The following PCDHGA3 variants were observed in gnomAD, a reference collection of about 807,000 sequenced individuals.
PCDHGA3 encodes the protein protocadherin gamma subfamily A, 3.
Under a neutral mutation model 58.5 loss-of-function variants are expected in PCDHGA3, and 40 were observed. The observed-to-expected ratio is 0.68, with a 90% CI of 0.53 to 0.89. The LOEUF (loss-of-function observed/expected upper bound fraction) is 0.89, where lower values mean the gene tolerates loss of function less well. Ranked by LOEUF, PCDHGA3 falls within the 40% of genes least tolerant of loss-of-function variation. The pLI is 0.00. For synonymous variants in PCDHGA3, 530 were observed against 525.7 expected (o/e 1.01, Z -0.11); for missense variants, 1,223 against 1,195.9 (o/e 1.02, Z -0.33).
chr5:141,411,785 G>A (rs2095515346), intron 1 of PCDHGA3: 1 of 152,310 alleles, frequency 6.6e-6, no homozygotes, highest in South Asian at 2.1e-4. Context: ...TGGTGGCTGT[G>A]GTGGGAGAAT....
intron 1 of PCDHGA3, among the ~76,000 whole-genome samples, chr5:141,473,736 G>A (rs1278322296): frequency 1.3e-5 from 2 of 152,202 alleles, no homozygotes; most frequent in Non-Finnish European, 2.9e-5. Flanking sequence ...AGAGGGAGAA[G>A]ACATGAGAAC....
intron 1 of PCDHGA3, chr5:141,372,351 C>A: frequency 6.2e-7 from 1 of 1,613,872 alleles, no homozygotes; most frequent in Non-Finnish European, 8.5e-7. Context: ...AGGACAGCAG[C>A]CTCTTTCAGC....
intron 1 of PCDHGA3, chr5:141,352,026 C>T (rs1186654120): frequency 9.9e-6 from 16 of 1,609,158 alleles, no homozygotes; most frequent in Non-Finnish European, 1.4e-5. Flanking sequence ...AAGGTGGTGG[C>T]GGTGGACGCA....
At chr5:141,437,761 C>G (rs1200327020) in intron 1 of PCDHGA3, among the ~76,000 whole-genome samples, 3 of 144,682 alleles carry the variant, frequency 2.1e-5, no homozygotes, top group Admixed American at 7.0e-5. Flanking sequence ...TTTTTTGAGA[C>G]AGAGTCTCAA....
intron 1 of PCDHGA3, chr5:141,366,136 C>T: frequency 6.2e-7 from 1 of 1,614,204 alleles, no homozygotes; most frequent in South Asian, 1.1e-5. Flanking sequence ...GCCAGAACGC[C>T]TGGCTGTCCT....
intron 1 of PCDHGA3, among the ~76,000 whole-genome samples, chr5:141,464,749 T>A (rs1026757405): frequency 6.6e-6 from 1 of 152,216 alleles, no homozygotes; most frequent in African/African-American, 2.4e-5. Context: ...ATCTTTTTGT[T>A]TTTTTAGAGA....
chr5:141,383,023 G>A (rs1778720923), intron 1 of PCDHGA3: 2 of 1,613,826 alleles, frequency 1.2e-6, no homozygotes, highest in South Asian at 1.1e-5. Context: ...GACGGACAAA[G>A]GGTCCTTTGT....
chr5:141,423,798 A>G (rs551396089), intron 1 of PCDHGA3: 76 of 1,222,390 alleles, frequency 6.2e-5, no homozygotes, highest in Middle Eastern at 4.5e-4. Context: ...TATTTAGAGC[A>G]ATACATGTGA....
chr5:141,387,978 C>T, intron 1 of PCDHGA3: 1 of 1,487,640 alleles, frequency 6.7e-7, no homozygotes, highest in Non-Finnish European at 9.1e-7. Flanking sequence ...GCTCTGTGAG[C>T]AGATCCGCTA....
chr5:141,454,932 C>G (rs945154196), intron 1 of PCDHGA3, among the ~76,000 whole-genome samples: 7 of 150,770 alleles, frequency 4.6e-5, no homozygotes, highest in Non-Finnish European at 1.0e-4. Context: ...CTCAGCCTCC[C>G]GAGTAGCTGG....
chr5:141,403,754 G>A (rs2094451238), intron 1 of PCDHGA3: 1 of 1,613,768 alleles, frequency 6.2e-7, no homozygotes, highest in African/African-American at 1.3e-5. Flanking sequence ...AACAGCCAGC[G>A]ACCTGGATGA....
Position 141,485,859 on chromosome 5 carries a change from G to A in PCDHGA3, c.2425-8948G>A, listed in dbSNP as rs1272239385. ...CCGAGATCTGGCACCGCAGAGCTCC[G>A]GGTATCCGTGCTGGACGTAAACGAC... On this transcript the variant is annotated intron_variant, in intron 1 of 3. Transcript: ENST00000253812. This position sits in a 1 kb window ranked among gnomAD's most constrained non-coding sequence, Gnocchi z 5.7. 3.7e-6 allele frequency: 6 copies of A among 1,614,046 alleles called. No homozygotes were observed. Among genetic ancestry groups the A allele is most frequent in the Admixed American group, 3.3e-5 (2 of 60,000 alleles).
At chr5:141,462,813 TTGG>T (rs1474162732) in intron 1 of PCDHGA3, among the ~76,000 whole-genome samples, 1 of 152,198 alleles carries the variant, frequency 6.6e-6, no homozygotes, top group African/African-American at 2.4e-5. Flanking sequence ...AATGTTTTTA[TTGG>T]ACAGCAGACA....
intron 1 of PCDHGA3, among the ~76,000 whole-genome samples, chr5:141,437,331 A>G (rs2097876062): frequency 6.6e-6 from 1 of 152,244 alleles, no homozygotes; most frequent in Non-Finnish European, 1.5e-5. Context: ...TAAAATTTGT[A>G]GCTTCACTGT....
chr5:141,445,025 C>T (rs2154560886), intron 1 of PCDHGA3, among the ~76,000 whole-genome samples: 2 of 152,200 alleles, frequency 1.3e-5, no homozygotes, highest in Middle Eastern at 6.8e-3. Flanking sequence ...TTTCTCTCAG[C>T]TATGTTGTAT....
At chr5:141,394,621 G>C (rs1231814252) in intron 1 of PCDHGA3, 1 of 1,613,408 alleles carries the variant, frequency 6.2e-7, no homozygotes, top group African/African-American at 1.3e-5. Flanking sequence ...CAGAACGCCT[G>C]GCTGTCCTAC....
At chr5:141,406,827 A>G (rs2094856328) in intron 1 of PCDHGA3, among the ~76,000 whole-genome samples, 1 of 152,242 alleles carries the variant, frequency 6.6e-6, no homozygotes, top group South Asian at 2.1e-4. Context: ...CTAGAAATGA[A>G]CTTGCATATC....
chr5:141,361,769 A>C, intron 1 of PCDHGA3: 1 of 1,613,144 alleles, frequency 6.2e-7, no homozygotes, highest in Non-Finnish European at 8.5e-7. Context: ...CTCAGCGCCA[A>C]CGTGAGCCTG....
chr5:141,402,949 A>C, intron 1 of PCDHGA3: 2 of 1,594,986 alleles, frequency 1.3e-6, no homozygotes, highest in South Asian at 1.1e-5. Flanking sequence ...AAAGCGAGGC[A>C]GCAATGGCAG....
Sources: gnomAD v4.1 joint callset for allele counts (sites outside exome capture counted in the v4.1 genomes callset) on GRCh38, gnomAD v4.1.1 for gene constraint, Gnocchi (gnomAD v3.1) non-coding constraint, MANE v1.5 for transcripts, NCBI Gene and HGNC (gene_info 2026-07-23, HGNC 2026-07-21) for gene names.